Variants in AFF1 observed in about 807,000 individuals in gnomAD.
The protein encoded by AFF1 is AF4/FMR2 family member 1.
Under a neutral mutation model 121.7 loss-of-function variants are expected in AFF1, and 48 were observed. The observed-to-expected ratio is 0.39, with a 90% CI of 0.31 to 0.50. The LOEUF (loss-of-function observed/expected upper bound fraction) is 0.50, where lower values mean the gene tolerates loss of function less well. AFF1 is among the 20% of genes least tolerant of loss of function. The pLI is 0.76. For synonymous variants in AFF1, 613 were observed against 563.0 expected, an observed-to-expected ratio of 1.09 and a Z score of -1.26; for missense variants, 1,523 against 1,511.7, an observed-to-expected ratio of 1.01 and a Z score of -0.12.
At chr4:87,126,462 T>G (rs1309034623) in intron 14 of AFF1, 126 bp downstream of exon 14, 4 of 866,372 alleles carry the variant, frequency 4.6e-6, no homozygotes, top group Non-Finnish European at 5.4e-6. Flanking sequence ...GGCAACTGTT[T>G]GTGTTTAAAA....
chr4:87,100,197 G>T (rs1188330972), intron 8 of AFF1, among the ~76,000 whole-genome samples: 2 of 152,018 alleles, frequency 1.3e-5, no homozygotes, highest in African/African-American at 4.8e-5. Flanking sequence ...AGGAATCTTA[G>T]CCTTAAGGGT....
At chr4:87,022,090 A>G (rs1727955587) in intron 2 of AFF1, among the ~76,000 whole-genome samples, 1 of 151,754 alleles carries the variant, frequency 6.6e-6, no homozygotes, top group African/African-American at 2.4e-5. Context: ...CTGTAATCCC[A>G]GCTACTTGGG....
intron 2 of AFF1, among the ~76,000 whole-genome samples, chr4:87,028,303 A>C (rs1021221148): frequency 8.6e-5 from 13 of 151,168 alleles, no homozygotes; most frequent in South Asian, 2.1e-4. Context: ...ATTTTTTTTT[A>C]CGTTTTTTTT....
At chr4:87,012,539 C>T (rs1726883892) in intron 2 of AFF1, among the ~76,000 whole-genome samples, 2 of 152,042 alleles carry the variant, frequency 1.3e-5, no homozygotes, top group Non-Finnish European at 2.9e-5. Flanking sequence ...GATTACCAAT[C>T]GTTTTTACTT....
chr4:86,987,277 A>G lies in AFF1; in HGVS notation c.38+38706A>G, dbSNP rs115095374. ...ATCTTATTATTATAATGTATAAGCAATAATGTTGCTTGTGGATAAGACTTT... is the reference window on the plus strand; with the variant it reads ...ATCTTATTATTATAATGTATAAGCAGTAATGTTGCTTGTGGATAAGACTTT... On this transcript the variant is annotated intron_variant, in intron 2 of 20. Transcript: ENST00000395146. Among the ~76,000 whole-genome samples the G allele has an allele frequency of 3.9e-3, 592 of 152,280 alleles. 3 individuals carry two copies. Among genetic ancestry groups the G allele is most frequent in the African/African-American group, 0.013 (558 of 41,538 alleles).
intron 4 of AFF1, among the ~76,000 whole-genome samples, chr4:87,068,641 G>A (rs1052089298): frequency 2.0e-5 from 3 of 152,336 alleles, no homozygotes; most frequent in African/African-American, 7.2e-5. Context: ...AGGGACAGAT[G>A]TTGCCAATTT....
At chr4:87,059,295 G>A (rs904087112) in intron 4 of AFF1, among the ~76,000 whole-genome samples, 2 of 152,054 alleles carry the variant, frequency 1.3e-5, no homozygotes, top group African/African-American at 4.8e-5. Context: ...GGATTTTTTT[G>A]TGCCCCCCTC....
chr4:87,106,656 T>C (rs748508331), intron 10 of AFF1, among the ~76,000 whole-genome samples: 54 of 152,210 alleles, frequency 3.5e-4, no homozygotes, highest in Non-Finnish European at 7.3e-4. Context: ...CTTTAGGAAA[T>C]GTGATGATTT....
intron 2 of AFF1, among the ~76,000 whole-genome samples, chr4:87,013,590 C>G (rs1385724869): frequency 4.0e-5 from 6 of 151,234 alleles, no homozygotes; most frequent in Admixed American, 3.9e-4. Context: ...TGGGTGAGGG[C>G]TTGGAGACCT....
intron 2 of AFF1, among the ~76,000 whole-genome samples, chr4:86,979,526 T>A (rs770598179): frequency 2.3e-4 from 35 of 152,204 alleles, no homozygotes; most frequent in Non-Finnish European, 4.9e-4. Flanking sequence ...ATTACTCAGA[T>A]TTTTAAGGAG....
At position 86,935,231 on chromosome 4, in the gene AFF1, G is replaced by GTCCTT. The variant is rs1223504805; in HGVS notation, c.-46_-45insTCCTT. 1 of 152,336 alleles carries GTCCTT rather than the reference G, an allele frequency of 6.6e-6. No homozygotes were observed. 9.4% of individuals were successfully genotyped at this position (152,336 alleles called of 1,614,324 possible). A position where few individuals can be genotyped will look rare whatever the true frequency, so the allele number is the denominator to read the frequency against. On this transcript the variant is annotated 5_prime_UTR_variant, in exon 1 of 21. Coordinates refer to ENST00000395146, the MANE Select transcript of AFF1 (RefSeq NM_001166693.3). ...CCGACCCGGGACTAGAGGACGGAAG[G>GTCCTT]GTCTGGAAGGTGAGCGCAGCCCTGC...
chr4:87,053,121 G>T (rs1023827949), intron 4 of AFF1, among the ~76,000 whole-genome samples: 4 of 152,134 alleles, frequency 2.6e-5, no homozygotes, highest in Non-Finnish European at 5.9e-5. Flanking sequence ...TTATTTAGTA[G>T]GTATTTAAAA....
At chr4:87,069,139 C>G (rs1185321441) in intron 4 of AFF1, among the ~76,000 whole-genome samples, 2 of 152,140 alleles carry the variant, frequency 1.3e-5, no homozygotes, top group Non-Finnish European at 2.9e-5. Context: ...AAAATGACCT[C>G]TGTGGTTTAG....
intron 2 of AFF1, among the ~76,000 whole-genome samples, chr4:87,045,674 G>A (rs1730614136): frequency 6.6e-6 from 1 of 151,878 alleles, no homozygotes; most frequent in Non-Finnish European, 1.5e-5. Flanking sequence ...ATGCTGTTTT[G>A]GGTGCCTGGT....
chr4:87,075,418 C>T (rs1038366138), intron 4 of AFF1, among the ~76,000 whole-genome samples: 13 of 152,126 alleles, frequency 8.5e-5, no homozygotes, highest in Non-Finnish European at 1.3e-4. Flanking sequence ...CCTATCTACA[C>T]GATATATTAG....
At chr4:87,124,246 C>T (rs1461924846) in intron 12 of AFF1, among the ~76,000 whole-genome samples, 1 of 152,144 alleles carries the variant, frequency 6.6e-6, no homozygotes, top group East Asian at 1.9e-4. Context: ...TTTAACCCTA[C>T]TTTCAAGCTA....
chr4:87,056,955 T>A (rs984845012), intron 4 of AFF1, among the ~76,000 whole-genome samples: 1 of 152,200 alleles, frequency 6.6e-6, no homozygotes, highest in Non-Finnish European at 1.5e-5. Context: ...TACAGAGAGA[T>A]TGGTTGTCCA....
At chr4:86,960,664 C>G (rs1722085915) in intron 2 of AFF1, among the ~76,000 whole-genome samples, 3 of 152,152 alleles carry the variant, frequency 2.0e-5, no homozygotes, top group Non-Finnish European at 2.9e-5. Context: ...AATAGTACAA[C>G]ATTTTATGGG....
At chr4:87,037,417 T>C (rs1292405071) in intron 2 of AFF1, among the ~76,000 whole-genome samples, 1 of 152,118 alleles carries the variant, frequency 6.6e-6, no homozygotes, top group African/African-American at 2.4e-5. Flanking sequence ...GTTCAAGCAG[T>C]TCTCCTGAGT....
Sources: allele counts gnomAD v4.1 joint callset (sites outside exome capture counted in the v4.1 genomes callset), GRCh38; gene constraint gnomAD v4.1.1; transcripts MANE v1.5; gene names NCBI Gene and HGNC (gene_info 2026-07-23, HGNC 2026-07-21).